The following PPP1R9A variants were observed in gnomAD, a reference collection of about 807,000 sequenced individuals.
The protein encoded by PPP1R9A is neurabin-1.
Under a neutral mutation model 141.9 loss-of-function variants are expected in PPP1R9A, and 59 were observed. The observed-to-expected ratio is 0.42, with a 90% CI of 0.34 to 0.52. The LOEUF (loss-of-function observed/expected upper bound fraction) is 0.52. Among genes scored for constraint, PPP1R9A ranks in the 20% least tolerant of loss-of-function variants. PPP1R9A has a pLI of 0.10. For synonymous variants in PPP1R9A, 500 were observed against 569.7 expected (o/e 0.88, Z 1.74); for missense variants, 1,444 against 1,611.9 (o/e 0.90, Z 1.78).
At position 95,225,961 on chromosome 7, in the gene PPP1R9A, A is replaced by G. The variant is rs1183075584; in HGVS notation, c.1957A>G (p.Thr653Ala). Reference protein sequence around the residue: ...CNNNNNYFLKTGEYATDEEED... With the variant: ...CNNNNNYFLKAGEYATDEEED... Reference sequence around the variant, plus strand: ...ATTTCTGAAATCCCCTTCCTTTCAGACAGGAGAATATGCCACAGATGAAGA... The same window carrying G: ...ATTTCTGAAATCCCCTTCCTTTCAGGCAGGAGAATATGCCACAGATGAAGA... The change falls in exon 8 of 20, where the codon ACA (threonine) becomes GCA (alanine). Residue 653 changes from threonine (T) to alanine (A), a missense_variant and splice_region_variant. Physicochemically the swap from Thr to Ala is moderately conservative, Grantham distance 58. Around this residue, in one of 5 missense-constraint regions of PPP1R9A, gnomAD observed 488 missense variants for 542.0 expected, o/e 0.90. Transcript: ENST00000433360. The G allele has an allele frequency of 1.3e-6, 2 of 1,597,972 alleles. No individual in the cohort carries two copies. Among genetic ancestry groups the G allele is most frequent in the East Asian group, 2.3e-5 (1 of 44,438 alleles).
chr7:95,110,008 T>C (rs1820271331), intron 2 of PPP1R9A, among the ~76,000 whole-genome samples: 1 of 152,024 alleles, frequency 6.6e-6, no homozygotes, highest in Non-Finnish European at 1.5e-5. Flanking sequence ...AGAGACCAAA[T>C]AGGGATCCAA....
At chr7:95,242,888 A>T (rs1797649853) in intron 8 of PPP1R9A, among the ~76,000 whole-genome samples, 1 of 152,094 alleles carries the variant, frequency 6.6e-6, no homozygotes, top group Non-Finnish European at 1.5e-5. Flanking sequence ...TATTTCTATT[A>T]ACCAGCCCTG....
At chr7:95,172,836 G>A (rs1434348087) in intron 5 of PPP1R9A, among the ~76,000 whole-genome samples, 1 of 151,868 alleles carries the variant, frequency 6.6e-6, no homozygotes, top group Non-Finnish European at 1.5e-5. Flanking sequence ...AGGCAATCTG[G>A]TTGAGGTATA....
intron 2 of PPP1R9A, among the ~76,000 whole-genome samples, chr7:95,021,317 G>GT (rs201953448): frequency 0.47 from 68,149 of 144,796 alleles, 16,440 homozygotes; most frequent in Middle Eastern, 0.56. Context: ...GATGGGGTTG[G>GT]TTTTTTTTTT....
Position 95,157,263 on chromosome 7 carries a change from C to A in PPP1R9A, c.1650-4604C>A, listed in dbSNP as rs574625701. Among the ~76,000 whole-genome samples the A allele has an allele frequency of 4.6e-5, 7 of 152,186 alleles. No homozygotes were observed. In the South Asian group the frequency reaches 6.2e-4, roughly 14 times the overall value. ...GGCCTTCTCAGCTCCCCCTCTCCCC[C>A]CCCAGAGTGCAGGGATACCTGGGTC... On this transcript the variant is annotated intron_variant, in intron 4 of 19. Coordinates refer to ENST00000433360, the MANE Select transcript of PPP1R9A (RefSeq NM_001166160.2).
Position 95,292,056 on chromosome 7 carries a change from G to A in PPP1R9A, c.*1753G>A, listed in dbSNP as rs1472682124. 6.6e-6 allele frequency: 1 copy of A among 152,188 alleles called. No individual in the cohort carries two copies. Among genetic ancestry groups the A allele is most frequent in the Non-Finnish European group, 1.5e-5 (1 of 68,008 alleles). 9.4% of individuals were successfully genotyped at this position (152,188 alleles called of 1,614,324 possible). On this transcript the variant is annotated 3_prime_UTR_variant, in exon 20 of 20. Transcript: ENST00000433360. ...TATGCGTCAGCTCTTTTGTCATTAG[G>A]TACAGACCCTTCATTCAATCCTCAG...
At chr7:95,263,412 TTTGTTGTTGTTGTTGCTG>T (rs1026730856) in intron 12 of PPP1R9A, among the ~76,000 whole-genome samples, 2 of 112,122 alleles carry the variant, frequency 1.8e-5, no homozygotes, top group Admixed American at 9.0e-5. Flanking sequence ...ATCTTTCCAG[TTTGTTGTTGTTGTTGCTG>T]TTGTTGTTGT....
At chr7:95,256,169 G>C (rs1410229721) in intron 12 of PPP1R9A, among the ~76,000 whole-genome samples, 1 of 150,668 alleles carries the variant, frequency 6.6e-6, no homozygotes, top group African/African-American at 2.4e-5. Context: ...TCCAGCCTGA[G>C]TGATAGAGCA....
intron 2 of PPP1R9A, among the ~76,000 whole-genome samples, chr7:94,915,749 A>T (rs1017617333): frequency 1.3e-5 from 2 of 152,148 alleles, no homozygotes; most frequent in African/African-American, 4.8e-5. Context: ...TTCCCCATTA[A>T]TGATGTGGTT....
At chr7:95,237,850 T>C (rs1193843287) in intron 8 of PPP1R9A, among the ~76,000 whole-genome samples, 1 of 152,140 alleles carries the variant, frequency 6.6e-6, no homozygotes, top group Non-Finnish European at 1.5e-5. Context: ...TTTTTCCATC[T>C]TATGTATGTA....
chr7:95,052,508 A>G (rs1810963411), intron 2 of PPP1R9A, among the ~76,000 whole-genome samples: 1 of 152,198 alleles, frequency 6.6e-6, no homozygotes, highest in African/African-American at 2.4e-5. Flanking sequence ...CAAGATAAGA[A>G]ATACAAGCAA....
At chr7:95,220,158 AG>A (rs1794200809) in intron 7 of PPP1R9A, among the ~76,000 whole-genome samples, 1 of 152,142 alleles carries the variant, frequency 6.6e-6, no homozygotes, top group Admixed American at 6.6e-5. Flanking sequence ...AAAAATGGAA[AG>A]AGAGATGCTT....
intron 8 of PPP1R9A, among the ~76,000 whole-genome samples, chr7:95,227,851 A>T (rs1563457994): frequency 6.6e-6 from 1 of 152,200 alleles, no homozygotes; most frequent in South Asian, 2.1e-4. Flanking sequence ...GCAATATCAC[A>T]TCGTTCCACT....
chr7:95,039,707 G>T (rs1354193602), intron 2 of PPP1R9A, among the ~76,000 whole-genome samples: 2 of 151,070 alleles, frequency 1.3e-5, no homozygotes, highest in Non-Finnish European at 2.9e-5. Flanking sequence ...TTCCCAAATT[G>T]AAATGTAAGG....
chr7:95,093,944 A>G (rs373147762), intron 2 of PPP1R9A, among the ~76,000 whole-genome samples: 10 of 152,218 alleles, frequency 6.6e-5, no homozygotes, highest in Non-Finnish European at 1.3e-4. Flanking sequence ...TTAAAGACAC[A>G]TTGCTTCTAA....
intron 16 of PPP1R9A, among the ~76,000 whole-genome samples, chr7:95,277,351 A>T (rs1278293029): frequency 6.6e-6 from 1 of 152,224 alleles, no homozygotes; most frequent in Non-Finnish European, 1.5e-5. Context: ...TAATAATAAT[A>T]AACAAATAAA....
chr7:95,094,872 T>G (rs1349646696), intron 2 of PPP1R9A, among the ~76,000 whole-genome samples: 1 of 56,550 alleles, frequency 1.8e-5, no homozygotes, highest in African/African-American at 5.2e-5. Context: ...AGAGGGAGAC[T>G]GCGTCTCAAA....
At chr7:95,150,356 G>T (rs1383634720) in intron 4 of PPP1R9A, among the ~76,000 whole-genome samples, 1 of 152,148 alleles carries the variant, frequency 6.6e-6, no homozygotes, top group African/African-American at 2.4e-5. Flanking sequence ...AGGCTGGAGT[G>T]CCGTGGCACA....
chr7:95,042,832 T>C (rs991186769), intron 2 of PPP1R9A, among the ~76,000 whole-genome samples: 1 of 152,156 alleles, frequency 6.6e-6, no homozygotes, highest in Non-Finnish European at 1.5e-5. Flanking sequence ...TTTGAAATAA[T>C]CCACACATTG....
Sources: gnomAD v4.1 joint callset for allele counts (sites outside exome capture counted in the v4.1 genomes callset) on GRCh38, gnomAD v4.1.1 for gene constraint, gnomAD v4.1.1 regional missense constraint, MANE v1.5 for transcripts, NCBI Gene and HGNC (gene_info 2026-07-23, HGNC 2026-07-21) for gene names.